The following AKR1C8 variants were observed in gnomAD, a reference collection of about 807,000 sequenced individuals.
AKR1C8 encodes aldo-keto reductase family 1 member C8.
At chr10:5,181,081 C>T in the AKR1C8 span, among the ~76,000 whole-genome samples, 2 of 152,324 alleles carry the variant, frequency 1.3e-5, no homozygotes, top group Non-Finnish European at 2.9e-5. Flanking sequence ...TTCTGCGTCA[C>T]TCACGCTGGG....
chr10:5,176,293 T>A, the AKR1C8 span, among the ~76,000 whole-genome samples: 3 of 120,084 alleles, frequency 2.5e-5, no homozygotes, highest in Admixed American at 2.5e-4. Context: ...GTTGTAGATA[T>A]GCGGCATTAT....
chr10:5,126,602 C>T, the AKR1C8 span, among the ~76,000 whole-genome samples: 1 of 152,040 alleles, frequency 6.6e-6, no homozygotes, highest in African/African-American at 2.4e-5. Context: ...GGGGTGGTAT[C>T]CCTGGGTAGG....
the AKR1C8 span, among the ~76,000 whole-genome samples, chr10:5,182,221 C>T: frequency 5.3e-5 from 8 of 152,110 alleles, no homozygotes; most frequent in African/African-American, 1.7e-4. Context: ...TAATTGCTTA[C>T]ATCAGTACAA....
At chr10:5,134,159 T>C in the AKR1C8 span, among the ~76,000 whole-genome samples, 1 of 152,170 alleles carries the variant, frequency 6.6e-6, no homozygotes, top group African/African-American at 2.4e-5. Context: ...TCTCACTGCC[T>C]TCCCCTGATA....
chr10:5,152,401 A>C, the AKR1C8 span, among the ~76,000 whole-genome samples: 1 of 152,222 alleles, frequency 6.6e-6, no homozygotes, highest in East Asian at 1.9e-4. Context: ...TGTGGCTCAG[A>C]GTAAATCATC....
the AKR1C8 span, among the ~76,000 whole-genome samples, chr10:5,172,390 T>C: frequency 7.9e-5 from 12 of 152,080 alleles, no homozygotes; most frequent in African/African-American, 2.7e-4. Flanking sequence ...TTTTAAAATA[T>C]TAAAGGTAAC....
At chr10:5,165,510 G>C in the AKR1C8 span, among the ~76,000 whole-genome samples, 2 of 151,940 alleles carry the variant, frequency 1.3e-5, no homozygotes, top group African/African-American at 2.4e-5. Context: ...CCCCATCTGT[G>C]AACAGAAAAA....
the AKR1C8 span, among the ~76,000 whole-genome samples, chr10:5,175,022 G>A: frequency 1.2e-4 from 18 of 151,738 alleles, no homozygotes; most frequent in Non-Finnish European, 2.2e-4. Flanking sequence ...CAATGTGCAG[G>A]TTTGTTACAT....
At chr10:5,152,478 A>T in the AKR1C8 span, among the ~76,000 whole-genome samples, 1 of 152,218 alleles carries the variant, frequency 6.6e-6, no homozygotes, top group East Asian at 1.9e-4. Flanking sequence ...TTACTGGAAC[A>T]CCAGGATCAA....
At chr10:5,157,826 T>A in the AKR1C8 span, 1 of 460,434 alleles carries the variant, frequency 2.2e-6, no homozygotes, top group South Asian at 1.6e-5. Context: ...CAGACACAGA[T>A]GTGAAGGATG....
chr10:5,154,327 A>C, the AKR1C8 span: 3 of 307,674 alleles, frequency 9.8e-6, no homozygotes, highest in African/African-American at 6.5e-5. Flanking sequence ...TAATCTATGG[A>C]GGGGATGAGA....
At chr10:5,134,138 T>C in the AKR1C8 span, among the ~76,000 whole-genome samples, 4 of 152,196 alleles carry the variant, frequency 2.6e-5, no homozygotes, top group Non-Finnish European at 5.9e-5. Context: ...TAAAAGGAAC[T>C]AGATGCCAGG....
the AKR1C8 span, among the ~76,000 whole-genome samples, chr10:5,163,665 T>A: frequency 6.6e-6 from 1 of 152,156 alleles, no homozygotes; most frequent in Non-Finnish European, 1.5e-5. Flanking sequence ...TAAAACTCCT[T>A]TAAACAGAGA....
At chr10:5,169,405 C>T in the AKR1C8 span, among the ~76,000 whole-genome samples, 1 of 152,142 alleles carries the variant, frequency 6.6e-6, no homozygotes, top group African/African-American at 2.4e-5. Context: ...GTAGATGTTT[C>T]TGGGTAGTTG....
chr10:5,116,716 C>A, the AKR1C8 span, among the ~76,000 whole-genome samples: 1 of 152,290 alleles, frequency 6.6e-6, no homozygotes, highest in East Asian at 1.9e-4. Context: ...TGAAGTTCTG[C>A]CCACTGGGAA....
chr10:5,166,580 G>C, the AKR1C8 span, among the ~76,000 whole-genome samples: 1 of 152,266 alleles, frequency 6.6e-6, no homozygotes, highest in East Asian at 1.9e-4. Context: ...AAAGTGGCTA[G>C]CCATATGTAG....
chr10:5,117,040 G>GTTTTTATA, the AKR1C8 span, among the ~76,000 whole-genome samples: 1 of 151,768 alleles, frequency 6.6e-6, no homozygotes, highest in East Asian at 1.9e-4. Context: ...TCTAAGAACA[G>GTTTTTATA]TTTTTACATT....
chr10:5,151,031 G>A, the AKR1C8 span, among the ~76,000 whole-genome samples: 1 of 152,160 alleles, frequency 6.6e-6, no homozygotes, highest in African/African-American at 2.4e-5. Context: ...TGAGTCAGGA[G>A]TGTTGATTGG....
chr10:5,174,561 G>A, the AKR1C8 span, among the ~76,000 whole-genome samples: 1 of 151,734 alleles, frequency 6.6e-6, no homozygotes, highest in Non-Finnish European at 1.5e-5. Context: ...AAGACCTGAG[G>A]ACATAGAGAA....
Sources: allele counts gnomAD v4.1 joint callset (sites outside exome capture counted in the v4.1 genomes callset), GRCh38; gene constraint gnomAD v4.1.1; transcripts MANE v1.5; gene names NCBI Gene and HGNC (gene_info 2026-07-23, HGNC 2026-07-21).